The following WASHC2C variants were observed in gnomAD, a reference collection of about 807,000 sequenced individuals.
WASHC2C encodes WASH complex subunit 2C, also known as Vaccinia Penetration Factor.
In WASHC2C, 73 loss-of-function variants were observed where a neutral mutation model predicts 142.2. That is an observed-to-expected ratio of 0.51 (90% CI 0.43 to 0.62). The LOEUF is 0.62. Among genes scored for constraint, WASHC2C ranks in the 20% least tolerant of loss-of-function variants. The pLI is 0.00. For missense variants in WASHC2C, 969 were observed against 1,531.7 expected, an observed-to-expected ratio of 0.63 and a Z score of 6.13; for synonymous variants, 337 against 565.5, an observed-to-expected ratio of 0.60 and a Z score of 5.73.
chr10:45,769,149 G>A (rs530053095), intron 19 of WASHC2C, among the ~76,000 whole-genome samples: 2 of 151,620 alleles, frequency 1.3e-5, no homozygotes, highest in East Asian at 1.9e-4. Flanking sequence ...ACAGAGTCTC[G>A]CTCTGTCCCC....
chr10:45,786,794 C>T (rs150574436), intron 27 of WASHC2C, 120 bp downstream of exon 27: 49,874 of 1,574,636 alleles, frequency 0.032, 940 homozygotes, highest in East Asian at 0.08. Flanking sequence ...CCTCCCCTCC[C>T]CTGCACCTAG....
chr10:45,787,790 C>T (rs1420130956), intron 28 of WASHC2C, among the ~76,000 whole-genome samples: 1 of 152,238 alleles, frequency 6.6e-6, no homozygotes, highest in Non-Finnish European at 1.5e-5. Flanking sequence ...AGGAATGCCC[C>T]TCTCTGTCCA....
intron 6 of WASHC2C, 87 bp from the exon 7 acceptor site, chr10:45,744,734 T>C (rs1333890186): frequency 7.2e-6 from 3 of 414,370 alleles, no homozygotes; most frequent in Admixed American, 4.5e-5. Context: ...ATCTCTGTGA[T>C]GCTGTTGTAT....
chr10:45,768,469 A>C (rs191599308), intron 19 of WASHC2C, among the ~76,000 whole-genome samples: 2 of 152,244 alleles, frequency 1.3e-5, no homozygotes, highest in East Asian at 1.9e-4. Flanking sequence ...TGATTCAGAA[A>C]ATAGGGGCGG....
chr10:45,772,155 C>T (rs2056654354), intron 20 of WASHC2C, among the ~76,000 whole-genome samples: 1 of 152,138 alleles, frequency 6.6e-6, no homozygotes, highest in East Asian at 1.9e-4. Context: ...CAGAAAACCA[C>T]ATATTGTATT....
intron 3 of WASHC2C, among the ~76,000 whole-genome samples, chr10:45,733,578 G>A: frequency 6.6e-6 from 1 of 152,262 alleles, no homozygotes; most frequent in Non-Finnish European, 1.5e-5. Flanking sequence ...TTGGTTATCT[G>A]CTGGATATGA....
intron 2 of WASHC2C, among the ~76,000 whole-genome samples, chr10:45,728,373 A>G (rs1486786162): frequency 2.0e-5 from 3 of 152,164 alleles, no homozygotes; most frequent in Admixed American, 6.5e-5. Flanking sequence ...ATAGGTGTCC[A>G]TTAGCTCACT....
intron 20 of WASHC2C, among the ~76,000 whole-genome samples, chr10:45,771,201 C>T (rs1379517809): frequency 6.6e-6 from 1 of 151,792 alleles, no homozygotes; most frequent in East Asian, 1.9e-4. Context: ...CCCGTCTCTA[C>T]TAAAAATACA....
At chr10:45,784,238 A>G (rs1410730011) in intron 23 of WASHC2C, among the ~76,000 whole-genome samples, 19 of 58,226 alleles carry the variant, frequency 3.3e-4, no homozygotes, top group East Asian at 2.3e-3. Context: ...ATATATATAT[A>G]TATGTGTGTG....
chr10:45,759,533 C>G, intron 17 of WASHC2C, 132 bp downstream of exon 17: 1 of 1,472,042 alleles, frequency 6.8e-7, no homozygotes, highest in Non-Finnish European at 9.2e-7. Flanking sequence ...AAAATTATCT[C>G]TAGAGGCAAG....
intron 3 of WASHC2C, among the ~76,000 whole-genome samples, chr10:45,735,618 A>T (rs1554864235): frequency 6.6e-6 from 1 of 152,236 alleles, no homozygotes; most frequent in East Asian, 1.9e-4. Context: ...ATTACATAGA[A>T]TTATAAATTT....
chr10:45,768,833 T>G (rs1356190427), intron 19 of WASHC2C, among the ~76,000 whole-genome samples: 1 of 152,028 alleles, frequency 6.6e-6, no homozygotes, highest in Non-Finnish European at 1.5e-5. Flanking sequence ...TCTTATAGCC[T>G]CTGTAATTAA....
intron 17 of WASHC2C, among the ~76,000 whole-genome samples, chr10:45,763,148 C>T (rs1252373947): frequency 6.6e-6 from 1 of 152,112 alleles, no homozygotes; most frequent in African/African-American, 2.4e-5. Flanking sequence ...ACAGAAGCCC[C>T]TGGGCTCTGC....
chr10:45,763,922 G>A lies in WASHC2C; in HGVS notation c.1737+433G>A, dbSNP rs1395041653. 9.2e-5 allele frequency among the ~76,000 whole-genome samples: 14 copies of A among 152,074 alleles called. No homozygotes were observed. In the East Asian group the frequency reaches 2.1e-3, roughly 23 times the overall value. ...TCACCATGTTGGCCAGGCTAGTTTC[G>A]AACTCCTGATCTCAGGTGATCCGCC... is the stretch of plus-strand genomic sequence containing the variant. On this transcript the variant is annotated intron_variant, in intron 18 of 30. Transcript: ENST00000623400.
In WASHC2C at chr10:45,792,460, G is replaced by C. The variant is rs2058443599; in HGVS notation, c.*60G>C. The C allele has an allele frequency of 6.4e-7, 1 of 1,559,968 alleles. No individual in the cohort carries two copies. Among genetic ancestry groups the C allele is most frequent in the Non-Finnish European group, 8.7e-7 (1 of 1,143,544 alleles). ...ACATTGTTGAGTTAGTGATGATATT[G>C]TATATGCTCATGGTCTTAACTGGAT... On this transcript the variant is annotated 3_prime_UTR_variant, in exon 31 of 31. Coordinates refer to ENST00000623400, the MANE Select transcript of WASHC2C (RefSeq NM_001330074.2).
chr10:45,782,753 A>G (rs1463060009), intron 23 of WASHC2C, among the ~76,000 whole-genome samples: 4 of 152,080 alleles, frequency 2.6e-5, no homozygotes, highest in African/African-American at 9.7e-5. Flanking sequence ...TTATTTGGTA[A>G]TAAAAAAGGC....
intron 28 of WASHC2C, among the ~76,000 whole-genome samples, chr10:45,788,187 C>A (rs2058186501): frequency 6.6e-6 from 1 of 152,010 alleles, no homozygotes; most frequent in Non-Finnish European, 1.5e-5. Flanking sequence ...CATACTTTGC[C>A]CAGAGTAGAT....
At chr10:45,734,416 A>G (rs531186618) in intron 3 of WASHC2C, among the ~76,000 whole-genome samples, 46 of 148,014 alleles carry the variant, frequency 3.1e-4, no homozygotes, top group African/African-American at 1.2e-3. Context: ...TTTTTTTCTT[A>G]ATGTGAACTT....
Position 45,754,465 on chromosome 10 carries a change from C to T in WASHC2C, c.1181-21C>T, listed in dbSNP as rs547239970. On this transcript the variant is annotated intron_variant, in intron 13 of 30. Coordinates refer to ENST00000623400, the MANE Select transcript of WASHC2C (RefSeq NM_001330074.2). The stretch of plus-strand genomic sequence containing the variant: ...AGTTATTTCCCTTGTAAAATGGTTA[C>T]CCCTTGCTTTCTCATTCTAGAGTCT... 1.7e-3 allele frequency: 2,692 copies of T among 1,588,340 alleles called. 84 individuals carry two copies. The East Asian group carries it at 0.055, about 33-fold the overall frequency.
Sources: gnomAD v4.1 joint callset for allele counts (sites outside exome capture counted in the v4.1 genomes callset) on GRCh38, gnomAD v4.1.1 for gene constraint, MANE v1.5 for transcripts, NCBI Gene and HGNC (gene_info 2026-07-23, HGNC 2026-07-21) for gene names.